DNAH1: variants seen among roughly 807,000 people sequenced by gnomAD.
The protein encoded by DNAH1 is axonemal beta dynein heavy chain 1.
DNAH1 carries 327 observed loss-of-function variants against 484.3 expected under a neutral mutation model. The observed-to-expected ratio is 0.68, with a 90% confidence interval of 0.62 to 0.74. DNAH1 has a LOEUF of 0.74. Ranked by LOEUF, DNAH1 falls within the 30% of genes least tolerant of loss-of-function variation. DNAH1 has a pLI of 0.00. For missense variants in DNAH1, 5,052 were observed against 5,546.8 expected (o/e 0.91, Z 2.83); for synonymous variants, 2,192 against 2,191.9 (o/e 1.00, Z 0.00).
chr3:52,352,967 G>A, intron 18 of DNAH1, 136 bp from the exon 19 acceptor site: 1 of 1,015,222 alleles, frequency 9.9e-7, no homozygotes, highest in Non-Finnish European at 1.4e-6. Context: ...GCCAGGCCCA[G>A]GTGTTTGGGG....
chr3:52,386,573 G>C, intron 55 of DNAH1, 89 bp from the exon 56 acceptor site: 1 of 1,409,222 alleles, frequency 7.1e-7, no homozygotes, highest in Non-Finnish European at 9.5e-7. Flanking sequence ...GTAGAGACTT[G>C]GTTGGTAGGG....
Position 52,364,198 on chromosome 3 carries a change from G to A in DNAH1, c.5245-440G>A, listed in dbSNP as rs976648088. 6.6e-6 allele frequency among the ~76,000 whole-genome samples: 1 copy of A among 152,198 alleles called. No homozygotes were observed. The highest frequency in any genetic ancestry group is 1.5e-5 in the Non-Finnish European group (1 of 68,044). The stretch of plus-strand genomic sequence containing the variant: ...CTTACTGTGTAATGAAGAGAAACAG[G>A]CTGGGGGAAAAAGCATGGTGGTGTG... On this transcript the variant is annotated intron_variant, in intron 32 of 77. Transcript: ENST00000420323. The surrounding 1 kb of genome is among the most constrained non-coding windows in gnomAD (Gnocchi z 4.2).
At chr3:52,326,101 C>T in intron 3 of DNAH1, 39 bp from the exon 4 acceptor site, 1 of 1,501,062 alleles carries the variant, frequency 6.7e-7, no homozygotes, top group Non-Finnish European at 8.9e-7. Flanking sequence ...TGGGTGCTGG[C>T]CTGAGCCCTG....
At position 52,368,089 on chromosome 3, in the gene DNAH1, A is replaced by G. The variant is rs1184836206; in HGVS notation, c.5766-652A>G. On this transcript the variant is annotated intron_variant, in intron 36 of 77. Coordinates refer to ENST00000420323, the MANE Select transcript of DNAH1 (RefSeq NM_015512.5). The surrounding 1 kb of genome is among the most constrained non-coding windows in gnomAD (Gnocchi z 4.4). The stretch of plus-strand genomic sequence containing the variant: ...GGTGAGGGGGATTCTGGTTGAACCA[A>G]TCTAACAGGATTCCAACTGAAGACA... 2.0e-5 allele frequency among the ~76,000 whole-genome samples: 3 copies of G among 152,174 alleles called. No homozygotes were observed. The highest frequency in any genetic ancestry group is 2.9e-5 in the Non-Finnish European group (2 of 68,036).
intron 1 of DNAH1, among the ~76,000 whole-genome samples, chr3:52,320,848 T>C (rs1701121901): frequency 6.7e-6 from 1 of 148,816 alleles, no homozygotes; most frequent in Admixed American, 6.7e-5. Flanking sequence ...TCGCCTAGGC[T>C]GGAATGCAGT....
intron 4 of DNAH1, 72 bp downstream of exon 4, chr3:52,326,386 C>A (rs900510879): frequency 8.0e-6 from 12 of 1,502,886 alleles, no homozygotes; most frequent in Admixed American, 1.9e-5. Context: ...TGAGGAACTG[C>A]AGATCACCAG....
At chr3:52,366,051 A>G (rs1224352203) in intron 34 of DNAH1, among the ~76,000 whole-genome samples, 3 of 152,142 alleles carry the variant, frequency 2.0e-5, no homozygotes, top group African/African-American at 2.4e-5. Context: ...AGCTGCCTCT[A>G]TAGCTCCCAA....
At chr3:52,315,941 G>A (rs1578052926), upstream of DNAH1, among the ~76,000 whole-genome samples, 1 of 152,214 alleles carries the variant, frequency 6.6e-6, no homozygotes, top group Admixed American at 6.5e-5. Context: ...GGGGCGAAGT[G>A]GAGCTGGCAG....
At chr3:52,326,541 A>G (rs1701352092) in intron 4 of DNAH1, among the ~76,000 whole-genome samples, 194 bp from the exon 5 acceptor site, 1 of 152,078 alleles carries the variant, frequency 6.6e-6, no homozygotes, top group Non-Finnish European at 1.5e-5. Flanking sequence ...GCGGGACAGA[A>G]GGGCAGTTGG....
rs532210276 is a variant in DNAH1, at chr3:52,357,650, A to G, written c.3895A>G (p.Ser1299Gly). Residue 1299 changes from serine to glycine, a missense_variant, in exon 23 of 78, where the codon AGC becomes GGC. Ser to Gly is a moderately conservative substitution (Grantham distance 56, BLOSUM62 0). Coordinates refer to ENST00000420323, the MANE Select transcript of DNAH1 (RefSeq NM_015512.5). ...NVCSDLRMLD[S>G]LRDCNKILDL... ...GTGTTCCGACCTGAGAATGCTGGAC[A>G]GCCTGCGGGACTGCAACAAGATTCT... The G allele has an allele frequency of 1.9e-6, 3 of 1,599,716 alleles. No homozygotes were observed. The highest frequency in any genetic ancestry group is 2.3e-5 in the East Asian group (1 of 44,442).
At chr3:52,334,251 A>T (rs879457228) in intron 8 of DNAH1, among the ~76,000 whole-genome samples, 16 of 152,234 alleles carry the variant, frequency 1.1e-4, no homozygotes, top group Non-Finnish European at 1.9e-4. Flanking sequence ...GTATCTAAAC[A>T]TAGAAAAGGT....
Position 52,384,033 on chromosome 3 carries a change from T to C in DNAH1, c.8322+2T>C. The C allele has an allele frequency of 6.3e-7, 1 of 1,596,290 alleles. No homozygotes were observed. Among genetic ancestry groups the C allele is most frequent in the Non-Finnish European group, 8.5e-7 (1 of 1,169,846 alleles). On this transcript the variant is annotated splice_donor_variant, in intron 52 of 77. Transcript: ENST00000420323. LOFTEE classifies it high-confidence loss of function. Reference sequence around the variant, plus strand: ...TCCCAGGAAGAAATCCAAGGACTGGTGGGTGTCTTGCTGAAGCTCAGGCCC... The same window carrying C: ...TCCCAGGAAGAAATCCAAGGACTGGCGGGTGTCTTGCTGAAGCTCAGGCCC...
intron 11 of DNAH1, 70 bp from the exon 12 acceptor site, chr3:52,347,754 G>C: frequency 1.4e-6 from 2 of 1,451,738 alleles, no homozygotes; most frequent in Non-Finnish European, 1.8e-6. Flanking sequence ...CTGGCAGGAA[G>C]GGCAGAGGGC....
At position 52,357,014 on chromosome 3, in the gene DNAH1, TTTTG is replaced by T. The variant is rs1279717619; in HGVS notation, c.3858+242_3858+245del. ...TCCACAGCCCATATTAACGTTTTTT[TTTTG>T]TTTGTCTGTTTTTTTTTTTTTGTTT... On this transcript the variant is annotated intron_variant, in intron 22 of 77. Transcript: ENST00000420323. Among the ~76,000 whole-genome samples, 22 of 152,142 alleles carry T rather than the reference TTTTG, an allele frequency of 1.4e-4. No homozygotes were observed. In the East Asian group the frequency reaches 2.3e-3, roughly 16 times the overall value.
At position 52,357,670 on chromosome 3, in the gene DNAH1, G is replaced by C. The variant is rs1004871183; in HGVS notation, c.3915G>C (p.Lys1305Asn). The C allele has an allele frequency of 3.1e-6, 5 of 1,596,682 alleles. No individual in the cohort carries two copies. In the Admixed American group the frequency reaches 5.2e-5, roughly 17 times the overall value. ...TGGACAGCCTGCGGGACTGCAACAA[G>C]ATTCTGGACCTGGTGCAGAAGGGCC... ...RMLDSLRDCN[K>N]ILDLVQKGLS... is the part of the protein sequence containing the mutation. The change falls in exon 23 of 78, where the codon AAG (lysine) becomes AAC (asparagine). Residue 1305 changes from lysine to asparagine, a missense_variant. Physicochemically the swap from Lys to Asn is moderately conservative, Grantham distance 94. Coordinates refer to ENST00000420323, the MANE Select transcript of DNAH1 (RefSeq NM_015512.5).
At chr3:52,363,278 C>A (rs1702940337) in intron 32 of DNAH1, 134 bp downstream of exon 32, 1 of 1,202,212 alleles carries the variant, frequency 8.3e-7, no homozygotes, top group Non-Finnish European at 1.1e-6. Flanking sequence ...TCCCAGCAAC[C>A]CTTGGAGATA....
At chr3:52,378,186 C>G (rs1176394362) in intron 46 of DNAH1, among the ~76,000 whole-genome samples, 3 of 151,842 alleles carry the variant, frequency 2.0e-5, no homozygotes, top group Non-Finnish European at 4.4e-5. Context: ...GGGGTGTGCT[C>G]CAAGCCTCCC....
At chr3:52,323,209 G>A (rs1249027754) in intron 2 of DNAH1, among the ~76,000 whole-genome samples, 3 of 152,148 alleles carry the variant, frequency 2.0e-5, no homozygotes, top group African/African-American at 7.2e-5. Context: ...CTGGGAGCAT[G>A]TTCCAGGCAG....
At chr3:52,322,115 C>T (rs1281116246) in intron 1 of DNAH1, among the ~76,000 whole-genome samples, 13 of 152,082 alleles carry the variant, frequency 8.5e-5, no homozygotes, top group Admixed American at 6.5e-4. Context: ...CAAGTGCAGT[C>T]GCATGCATGG....
Sources: allele counts gnomAD v4.1 joint callset (sites outside exome capture counted in the v4.1 genomes callset), GRCh38; gene constraint gnomAD v4.1.1; non-coding constraint Gnocchi (gnomAD v3.1); transcripts MANE v1.5; gene names NCBI Gene and HGNC (gene_info 2026-07-23, HGNC 2026-07-21).